The following ZFHX3 variants were observed in gnomAD, a reference collection of about 807,000 sequenced individuals.
The protein encoded by ZFHX3 is zinc finger homeobox protein 3.
Under a neutral mutation model 279.1 loss-of-function variants are expected in ZFHX3, and 42 were observed. That is an observed-to-expected ratio of 0.15 (90% confidence interval 0.12 to 0.19). The LOEUF (loss-of-function observed/expected upper bound fraction) is 0.19, where lower values mean the gene tolerates loss of function less well. ZFHX3 is among the 10% of genes least tolerant of loss of function. The pLI is 1.00. For missense variants in ZFHX3, 4,981 were observed against 4,754.0 expected, an observed-to-expected ratio of 1.05 and a Z score of -1.40; for synonymous variants, 2,293 against 1,957.8, an observed-to-expected ratio of 1.17 and a Z score of -4.52.
At chr16:73,575,413 G>A (rs1316907076) in intron 2 of ZFHX3, among the ~76,000 whole-genome samples, 1 of 152,096 alleles carries the variant, frequency 6.6e-6, no homozygotes, top group Non-Finnish European at 1.5e-5. Flanking sequence ...TATGTTGATT[G>A]GTTTTGATTC....
intron 1 of ZFHX3, among the ~76,000 whole-genome samples, chr16:73,804,915 GGAGGGAGAGGGAGGGAGGGAGA>G (rs1232895212): frequency 8.4e-6 from 1 of 119,094 alleles, no homozygotes; most frequent in African/African-American, 4.0e-5. Context: ...GGGAGGGAGG[GGAGGGAGAGGGAGGGAGGGAGA>G]GAGGGAGAGG....
At chr16:73,629,746 G>C (rs1196213574) in intron 2 of ZFHX3, among the ~76,000 whole-genome samples, 1 of 152,000 alleles carries the variant, frequency 6.6e-6, no homozygotes, top group Non-Finnish European at 1.5e-5. Flanking sequence ...TGAATTTAAG[G>C]CACACTTAAA....
At chr16:72,859,257 CCT>C (rs1329514348) in intron 4 of ZFHX3, among the ~76,000 whole-genome samples, 1 of 152,186 alleles carries the variant, frequency 6.6e-6, no homozygotes, top group Non-Finnish European at 1.5e-5. Context: ...TTGGGCCAAT[CCT>C]CTTTCTTTTC....
At chr16:73,441,873 G>C (rs527575543) in intron 3 of ZFHX3, among the ~76,000 whole-genome samples, 11 of 152,324 alleles carry the variant, frequency 7.2e-5, no homozygotes, top group African/African-American at 2.4e-4. Context: ...AAACTGAAAT[G>C]TGCTACAGAA....
At chr16:73,118,435 T>G (rs35956543) in intron 7 of ZFHX3, among the ~76,000 whole-genome samples, 67,586 of 151,832 alleles carry the variant, frequency 0.45, 16,686 homozygotes, top group Middle Eastern at 0.6. Context: ...TCTTGAACTT[T>G]TCACCTCAGG....
At chr16:73,673,172 C>G (rs1207077371) in intron 2 of ZFHX3, among the ~76,000 whole-genome samples, 2 of 152,034 alleles carry the variant, frequency 1.3e-5, no homozygotes, top group African/African-American at 2.4e-5. Context: ...AGTGAACACA[C>G]AGTATTCAAA....
intron 2 of ZFHX3, among the ~76,000 whole-genome samples, chr16:73,571,161 A>G (rs1395340585): frequency 6.6e-6 from 1 of 152,130 alleles, no homozygotes; most frequent in East Asian, 1.9e-4. Flanking sequence ...TGACACATTA[A>G]AGCTTTGCTT....
intron 2 of ZFHX3, among the ~76,000 whole-genome samples, chr16:73,678,278 T>G (rs775670970): frequency 6.6e-6 from 1 of 152,108 alleles, no homozygotes; most frequent in Non-Finnish European, 1.5e-5. Flanking sequence ...TAGAAGACCA[T>G]TGGGAGATGT....
chr16:73,159,898 G>A lies in ZFHX3; in HGVS notation c.-1103-16067C>T, dbSNP rs184362614. 6.5e-3 allele frequency among the ~76,000 whole-genome samples: 982 copies of A among 152,192 alleles called. 9 individuals are homozygous for A. Among genetic ancestry groups the A allele is most frequent in the African/African-American group, 0.022 (928 of 41,520 alleles). On this transcript the variant is annotated intron_variant, in intron 5 of 17. Coordinates refer to the ZFHX3 transcript ENST00000641206. ...CTGCCTCAGCCTCCCGAGTAGCTGG[G>A]ACTGCAGGTGCGTGCCACCATGCCT... is the stretch of plus-strand genomic sequence containing the variant.
chr16:73,545,154 C>T (rs565633756), intron 2 of ZFHX3, among the ~76,000 whole-genome samples: 1 of 139,540 alleles, frequency 7.2e-6, no homozygotes, highest in East Asian at 2.2e-4. Flanking sequence ...TCCCCCCGAC[C>T]CCCACCTCTG....
At chr16:72,870,970 C>G (rs111785966) in intron 4 of ZFHX3, among the ~76,000 whole-genome samples, 2,524 of 152,224 alleles carry the variant, frequency 0.017, 41 homozygotes, top group Middle Eastern at 0.078. Flanking sequence ...GAAATTTACT[C>G]TGAAATCCTT....
chr16:72,828,656 G>C (rs1380859389), intron 5 of ZFHX3, among the ~76,000 whole-genome samples: 1 of 152,206 alleles, frequency 6.6e-6, no homozygotes, highest in East Asian at 1.9e-4. Flanking sequence ...GCCCTGCCCA[G>C]GCCCCCAAAT....
intron 4 of ZFHX3, among the ~76,000 whole-genome samples, chr16:73,296,081 T>C (rs899231990): frequency 2.0e-5 from 3 of 151,800 alleles, no homozygotes; most frequent in African/African-American, 7.3e-5. Flanking sequence ...TGTGTGTGTG[T>C]GTGTGTGTGT....
chr16:73,701,907 G>A (rs959052030), intron 1 of ZFHX3, among the ~76,000 whole-genome samples: 2 of 151,940 alleles, frequency 1.3e-5, no homozygotes, highest in Non-Finnish European at 2.9e-5. Context: ...AAGTATGTGG[G>A]CGATTTCTAT....
intron 1 of ZFHX3, among the ~76,000 whole-genome samples, chr16:73,008,911 C>CGTGT (rs5817822): frequency 0.014 from 2,044 of 149,694 alleles, 39 homozygotes; most frequent in African/African-American, 0.046. Context: ...AAAGTATATA[C>CGTGT]GTGTGTGTGT....
intron 2 of ZFHX3, among the ~76,000 whole-genome samples, chr16:73,507,591 G>A (rs1245897366): frequency 6.8e-6 from 1 of 148,034 alleles, no homozygotes; most frequent in Non-Finnish European, 1.5e-5. Flanking sequence ...ACATTCCTGG[G>A]CTCAAGTGAT....
At chr16:72,789,047 TA>T (rs1369403409) in intron 9 of ZFHX3, 199 bp from the exon 10 acceptor site, 9 of 541,944 alleles carry the variant, frequency 1.7e-5, no homozygotes, top group African/African-American at 3.9e-5. Context: ...GACTCAGTCC[TA>T]GGTCAGCTCC....
rs541032845 is a variant in ZFHX3 at position 73,866,846 on chromosome 16, T to C, written c.-1608+24805A>G. ...GTTGACAGCTACGGGCATCTAGTGC[T>C]TCATCCTGCCAAGGCAGCTCTAGGG... On this transcript the variant is annotated intron_variant, in intron 1 of 17. Transcript: ENST00000641206. 2.6e-5 allele frequency among the ~76,000 whole-genome samples: 4 copies of C among 152,300 alleles called. No homozygotes were observed. In the East Asian group the frequency reaches 7.8e-4, roughly 30 times the overall value.
intron 3 of ZFHX3, among the ~76,000 whole-genome samples, chr16:72,948,603 C>T (rs1400338117): frequency 6.6e-6 from 1 of 152,184 alleles, no homozygotes; most frequent in Non-Finnish European, 1.5e-5. Context: ...TTATTCAAGA[C>T]TCCAGCCGCA....
Sources: gnomAD v4.1 joint callset for allele counts (sites outside exome capture counted in the v4.1 genomes callset) on GRCh38, gnomAD v4.1.1 for gene constraint, MANE v1.5 for transcripts, NCBI Gene and HGNC (gene_info 2026-07-23, HGNC 2026-07-21) for gene names.